Variants in TCF7L1 observed in about 807,000 individuals in gnomAD.
TCF7L1 encodes transcription factor 7-like 1.
A neutral mutation model predicts 63.7 loss-of-function variants in TCF7L1; 18 were observed. The ratio of observed to expected loss-of-function variants is 0.28; its 90% CI spans 0.20 to 0.42. The LOEUF (loss-of-function observed/expected upper bound fraction) is 0.42. Ranked by LOEUF, TCF7L1 falls within the 10% of genes least tolerant of loss-of-function variation. The pLI is 1.00. For missense variants in TCF7L1, 654 were observed against 779.3 expected (o/e 0.84, Z 1.91); for synonymous variants, 355 against 340.9 (o/e 1.04, Z -0.46).
At chr2:85,291,150 T>C (rs1180520563) in intron 4 of TCF7L1, among the ~76,000 whole-genome samples, 1 of 152,242 alleles carries the variant, frequency 6.6e-6, no homozygotes, top group Non-Finnish European at 1.5e-5. Flanking sequence ...CATTATCTGA[T>C]CGTCCAGCCA....
chr2:85,134,425 C>T lies in TCF7L1; in HGVS notation c.416C>T (p.Pro139Leu), dbSNP rs779519717. The T allele has an allele frequency of 4.5e-6, 7 of 1,560,452 alleles. No individual in the cohort carries two copies. The highest frequency in any genetic ancestry group is 1.2e-5 in the South Asian group (1 of 84,806). ...DLSSPYLSNG[P>L]LSPGGARTYL... ...AGCAGCCCGTACCTCTCCAACGGACCCCTGTCTCCCGGAGGAGCGCGCACC... is the reference window on the plus strand; with the variant it reads ...AGCAGCCCGTACCTCTCCAACGGACTCCTGTCTCCCGGAGGAGCGCGCACC... Residue 139 changes from proline to leucine, a missense_variant, in exon 3 of 12, where the codon CCC (proline) becomes CTC (leucine). Transcript: ENST00000282111. This position sits in a 1 kb window ranked among gnomAD's most constrained non-coding sequence, Gnocchi z 5.0.
chr2:85,168,098 T>C (rs1350407573), intron 3 of TCF7L1, among the ~76,000 whole-genome samples: 1 of 152,142 alleles, frequency 6.6e-6, no homozygotes, highest in Non-Finnish European at 1.5e-5. Flanking sequence ...GAGTAAGCTC[T>C]GCAGCTCCGC....
Position 85,303,954 on chromosome 2 carries a change from G to C in TCF7L1, c.718G>C (p.Ala240Pro). The change falls in exon 6 of 12, where the codon GCT becomes CCT. Residue 240 changes from alanine to proline, a missense_variant. Transcript: ENST00000282111. ...ACCGTATTACCCACTCTCTCCCGGA[G>C]CTGTCGGACAAATCCCCCACCCCCT... is the stretch of plus-strand genomic sequence containing the variant. ...LSPYYPLSPGAVGQIPHPLGW... is the reference protein window; with the variant it reads ...LSPYYPLSPGPVGQIPHPLGW... The C allele has an allele frequency of 6.2e-7, 1 of 1,613,720 alleles. No homozygotes were observed. The highest frequency in any genetic ancestry group is 8.5e-7 in the Non-Finnish European group (1 of 1,179,830).
At position 85,134,569 on chromosome 2, in the gene TCF7L1, T is replaced by C. The variant is rs1489262010; in HGVS notation, c.441+119T>C. 7.1e-7 allele frequency: 1 copy of C among 1,414,714 alleles called. No individual in the cohort carries two copies. The highest frequency in any genetic ancestry group is 9.4e-7 in the Non-Finnish European group (1 of 1,067,872). 87.6% of individuals were successfully genotyped at this position (1,414,714 alleles called of 1,614,324 possible). A position where few individuals can be genotyped will look rare whatever the true frequency, so the allele number is the denominator to read the frequency against. ...CTGCGCCGATCCCAAGCAGAACTTG[T>C]TTGCGGAGTTGAACTACTCTCTGGC... On this transcript the variant is annotated intron_variant, in intron 3 of 11. Transcript: ENST00000282111. This position sits in a 1 kb window ranked among gnomAD's most constrained non-coding sequence, Gnocchi z 5.0.
rs553196329 is a variant in TCF7L1, at chr2:85,191,930, A to T, written c.441+57480A>T. 2.0e-5 allele frequency among the ~76,000 whole-genome samples: 3 copies of T among 152,262 alleles called. No homozygotes were observed. The South Asian group carries it at 6.2e-4, about 32-fold the overall frequency. On this transcript the variant is annotated intron_variant, in intron 3 of 11. Coordinates refer to ENST00000282111, the MANE Select transcript of TCF7L1 (RefSeq NM_031283.3). Reference sequence around the variant, plus strand: ...TCAAGTCCCTAGGATAAAGCTTTTCATAGGGAGGGGACAAAAATTTAACTC... The same window carrying T: ...TCAAGTCCCTAGGATAAAGCTTTTCTTAGGGAGGGGACAAAAATTTAACTC...
chr2:85,182,229 T>C (rs1462036852), intron 3 of TCF7L1, among the ~76,000 whole-genome samples: 1 of 152,198 alleles, frequency 6.6e-6, no homozygotes, highest in East Asian at 1.9e-4. Flanking sequence ...GCACGTGATC[T>C]GGGGCACGGT....
At chr2:85,158,895 C>G (rs549643448) in intron 3 of TCF7L1, among the ~76,000 whole-genome samples, 4 of 152,206 alleles carry the variant, frequency 2.6e-5, no homozygotes, top group Non-Finnish European at 5.9e-5. Flanking sequence ...TGTTTGTCCT[C>G]GGAAGGTTTG....
chr2:85,294,210 G>T (rs1254346590), intron 4 of TCF7L1, among the ~76,000 whole-genome samples: 3 of 151,656 alleles, frequency 2.0e-5, no homozygotes, highest in Non-Finnish European at 4.4e-5. Context: ...CTAATTTTTT[G>T]TGTTTTTAGT....
chr2:85,141,582 A>G (rs1677740075), intron 3 of TCF7L1, among the ~76,000 whole-genome samples: 1 of 152,144 alleles, frequency 6.6e-6, no homozygotes. Context: ...TGGAAAGAAG[A>G]GGAAAGGGAG....
At chr2:85,267,667 A>G (rs1044030970) in intron 3 of TCF7L1, among the ~76,000 whole-genome samples, 1 of 150,642 alleles carries the variant, frequency 6.6e-6, no homozygotes, top group African/African-American at 2.4e-5. Context: ...AAAAAAAAAA[A>G]GAGTTGGCTT....
chr2:85,266,128 C>T (rs1334080761), intron 3 of TCF7L1, among the ~76,000 whole-genome samples: 1 of 152,192 alleles, frequency 6.6e-6, no homozygotes, highest in Non-Finnish European at 1.5e-5. Context: ...TAAATAACCA[C>T]CTACTACATA....
intron 3 of TCF7L1, among the ~76,000 whole-genome samples, chr2:85,248,202 A>G (rs1680511064): frequency 6.6e-6 from 1 of 152,194 alleles, no homozygotes; most frequent in African/African-American, 2.4e-5. Context: ...TGAAAGGCAC[A>G]TGTTCCCCAA....
intron 3 of TCF7L1, among the ~76,000 whole-genome samples, chr2:85,230,730 C>G (rs1413631585): frequency 6.6e-6 from 1 of 152,198 alleles, no homozygotes; most frequent in Admixed American, 6.5e-5. Flanking sequence ...CCCATTTCTC[C>G]TGCATCCCTA....
chr2:85,261,088 GTTAT>G (rs1680846504), intron 3 of TCF7L1, among the ~76,000 whole-genome samples: 2 of 149,522 alleles, frequency 1.3e-5, no homozygotes, highest in Admixed American at 1.3e-4. Context: ...ATACTCAAGT[GTTAT>G]TTGTTTTCAA....
At chr2:85,199,928 G>C (rs941777199) in intron 3 of TCF7L1, among the ~76,000 whole-genome samples, 1 of 152,090 alleles carries the variant, frequency 6.6e-6, no homozygotes, top group African/African-American at 2.4e-5. Context: ...TTTATCTCCT[G>C]ACAACCACTC....
At chr2:85,254,886 T>C (rs1680673229) in intron 3 of TCF7L1, among the ~76,000 whole-genome samples, 1 of 152,216 alleles carries the variant, frequency 6.6e-6, no homozygotes, top group Admixed American at 6.5e-5. Flanking sequence ...GGTCTGGAAC[T>C]ACCAGGTCAA....
chr2:85,277,748 C>T (rs762333460), intron 3 of TCF7L1, among the ~76,000 whole-genome samples: 120 of 152,182 alleles, frequency 7.9e-4, no homozygotes, highest in Non-Finnish European at 1.3e-3. Flanking sequence ...GACTTGTTTT[C>T]CTTGCATGCA....
intron 3 of TCF7L1, among the ~76,000 whole-genome samples, chr2:85,247,426 A>G (rs769391446): frequency 3.3e-5 from 5 of 152,340 alleles, no homozygotes; most frequent in East Asian, 1.9e-4. Context: ...CCAATCCCTT[A>G]TAAGAAGGAA....
At chr2:85,207,338 T>A (rs1268156348) in intron 3 of TCF7L1, among the ~76,000 whole-genome samples, 1 of 152,146 alleles carries the variant, frequency 6.6e-6, no homozygotes, top group Non-Finnish European at 1.5e-5. Flanking sequence ...ACCACCAAGC[T>A]CCGTCCACTG....
Sources: gnomAD v4.1 joint callset for allele counts (sites outside exome capture counted in the v4.1 genomes callset) on GRCh38, gnomAD v4.1.1 for gene constraint, Gnocchi (gnomAD v3.1) non-coding constraint, MANE v1.5 for transcripts, NCBI Gene and HGNC (gene_info 2026-07-23, HGNC 2026-07-21) for gene names.